RBL1: variants seen among roughly 807,000 people sequenced by gnomAD.
The protein encoded by RBL1 is RB transcriptional corepressor like 1, also known as retinoblastoma-like protein 1.
Under a neutral mutation model 123.0 loss-of-function variants are expected in RBL1, and 82 were observed. The ratio of observed to expected loss-of-function variants is 0.67; its 90% CI spans 0.56 to 0.80. The LOEUF (loss-of-function observed/expected upper bound fraction) is 0.80, where lower values mean the gene tolerates loss of function less well. RBL1 is among the 30% of genes least tolerant of loss of function. RBL1 has a pLI of 0.00. For missense variants in RBL1, 1,171 were observed against 1,299.6 expected, an observed-to-expected ratio of 0.90 and a Z score of 1.52; for synonymous variants, 405 against 441.3, an observed-to-expected ratio of 0.92 and a Z score of 1.03.
chr20:37,008,402 C>G (rs1244729961), intron 19 of RBL1, among the ~76,000 whole-genome samples: 1 of 152,158 alleles, frequency 6.6e-6, no homozygotes, highest in African/African-American at 2.4e-5. Context: ...ACAACAGGAA[C>G]CCTGATCAGG....
chr20:37,032,565 A>C, intron 16 of RBL1, 100 bp downstream of exon 16: 17 of 1,523,944 alleles, frequency 1.1e-5, no homozygotes, highest in Non-Finnish European at 1.5e-5. Context: ...ATTTTGTGTT[A>C]TGTATATTAG....
intron 20 of RBL1, among the ~76,000 whole-genome samples, chr20:37,005,406 CAA>C (rs200205174): frequency 1.5e-4 from 16 of 104,676 alleles, no homozygotes; most frequent in Admixed American, 4.1e-4. Flanking sequence ...GACTCCTTCT[CAA>C]AAAAAAAAAA....
At position 37,076,936 on chromosome 20, in the gene RBL1, A is replaced by ATT. The variant is rs547969796; in HGVS notation, c.291-8752_291-8751dup. 6.4e-4 allele frequency among the ~76,000 whole-genome samples: 87 copies of ATT among 135,194 alleles called. 1 individual carries two copies. In the East Asian group the frequency reaches 9.2e-3, roughly 14 times the overall value. The allele number at this position is 135,194 out of a possible 152,430, so 88.7% of individuals were successfully genotyped here. Reference sequence around the variant, plus strand: ...TAACATTTTGCATATTTGCTTTATCATTTTTTTTTTTTTTTTTTGAGGCAG... The same window carrying ATT: ...TAACATTTTGCATATTTGCTTTATCATTTTTTTTTTTTTTTTTTTTGAGGCAG... On this transcript the variant is annotated intron_variant, in intron 2 of 21. Coordinates refer to ENST00000373664, the MANE Select transcript of RBL1 (RefSeq NM_002895.5).
intron 2 of RBL1, among the ~76,000 whole-genome samples, chr20:37,085,792 T>C (rs1288490799): frequency 1.3e-5 from 2 of 151,744 alleles, no homozygotes; most frequent in Non-Finnish European, 2.9e-5. Flanking sequence ...TAGCTGGGAC[T>C]ACAGGCGCCC....
chr20:37,063,704 G>T (rs961173165), intron 7 of RBL1, among the ~76,000 whole-genome samples: 21 of 151,794 alleles, frequency 1.4e-4, no homozygotes, highest in Non-Finnish European at 8.8e-5. Flanking sequence ...TAGAGATGGG[G>T]TTTCACCATG....
chr20:37,044,914 A>G (rs1266712382), intron 12 of RBL1, among the ~76,000 whole-genome samples: 2 of 152,108 alleles, frequency 1.3e-5, no homozygotes, highest in African/African-American at 2.4e-5. Context: ...TTTTTCCACT[A>G]ACTCAAAATA....
At chr20:37,080,706 G>A (rs1295989232) in intron 2 of RBL1, among the ~76,000 whole-genome samples, 3 of 152,000 alleles carry the variant, frequency 2.0e-5, no homozygotes, top group African/African-American at 4.8e-5. Context: ...AGATCCACCC[G>A]CCTAGGCCTC....
At chr20:37,029,410 G>GT (rs892102894) in intron 16 of RBL1, among the ~76,000 whole-genome samples, 36 of 152,264 alleles carry the variant, frequency 2.4e-4, no homozygotes, top group African/African-American at 8.7e-4. Flanking sequence ...AAAAAAATCT[G>GT]TATATAAGTG....
chr20:37,064,752 GGT>G (rs2065151951), intron 7 of RBL1, among the ~76,000 whole-genome samples: 2 of 151,992 alleles, frequency 1.3e-5, no homozygotes, highest in African/African-American at 4.8e-5. Flanking sequence ...TGGGATTACA[GGT>G]GTGCACCACC....
Position 37,041,081 on chromosome 20 carries a change from A to G in RBL1, c.1771-796T>C, listed in dbSNP as rs778166314. Reference sequence around the variant, plus strand: ...CAAAGAAGTATGGAAGAGAGATTTCAAGAAACCATCTTCTTTCCAATTCCT... The same window carrying G: ...CAAAGAAGTATGGAAGAGAGATTTCGAGAAACCATCTTCTTTCCAATTCCT... On this transcript the variant is annotated intron_variant, in intron 13 of 21. Transcript: ENST00000373664. Among the ~76,000 whole-genome samples the G allele has an allele frequency of 1.2e-4, 18 of 152,312 alleles. No homozygotes were observed. The South Asian group carries it at 2.9e-3, about 25-fold the overall frequency.
intron 14 of RBL1, 38 bp from the exon 15 acceptor site, chr20:37,035,546 C>A (rs2064596241): frequency 2.8e-6 from 4 of 1,445,848 alleles, no homozygotes; most frequent in South Asian, 1.4e-5. Flanking sequence ...GAAATGTATT[C>A]CAAAATAATA....
chr20:37,016,146 G>A (rs1159869335), intron 19 of RBL1, among the ~76,000 whole-genome samples: 1 of 150,404 alleles, frequency 6.6e-6, no homozygotes, highest in Non-Finnish European at 1.5e-5. Context: ...TTGTGCCTCA[G>A]CCTCCTAAGT....
intron 16 of RBL1, among the ~76,000 whole-genome samples, chr20:37,029,964 C>T (rs1568837851): frequency 6.6e-6 from 1 of 152,180 alleles, no homozygotes; most frequent in African/African-American, 2.4e-5. Context: ...AAAAGACATC[C>T]TATGATCATG....
At chr20:37,046,299 G>C (rs2064818011) in intron 12 of RBL1, among the ~76,000 whole-genome samples, 2 of 152,160 alleles carry the variant, frequency 1.3e-5, no homozygotes, top group Non-Finnish European at 2.9e-5. Flanking sequence ...TGGAAAATTT[G>C]AAGTTAAGTA....
intron 9 of RBL1, among the ~76,000 whole-genome samples, chr20:37,059,960 G>A (rs1600552051): frequency 6.6e-6 from 1 of 151,830 alleles, no homozygotes; most frequent in East Asian, 1.9e-4. Flanking sequence ...ATCATCTGAG[G>A]TCGGGAGTTT....
intron 19 of RBL1, among the ~76,000 whole-genome samples, chr20:37,017,298 G>A (rs1464067699): frequency 6.6e-6 from 1 of 151,808 alleles, no homozygotes; most frequent in Non-Finnish European, 1.5e-5. Context: ...GATTGAGCCT[G>A]GGATGTCCAT....
rs769782330 is a variant in RBL1 at position 37,007,475 on chromosome 20, G to A, written c.2807C>T (p.Thr936Ile). The change falls in exon 20 of 22, where the codon ACA becomes ATA. Residue 936 changes from threonine (T) to isoleucine (I), a missense_variant. Thr to Ile is a moderately conservative substitution (Grantham distance 89). Transcript: ENST00000373664. ...TGACTTCACTCTTCCTACATATATT[G>A]TATTGTAAAATTTTATAAGATCACC... is the stretch of plus-strand genomic sequence containing the variant. Reference protein sequence around the residue: ...ERGDLIKFYNTIYVGRVKSFA... With the variant: ...ERGDLIKFYNIIYVGRVKSFA... 2 of 1,613,754 alleles carry A rather than the reference G, an allele frequency of 1.2e-6. No individual in the cohort carries two copies. Among genetic ancestry groups the A allele is most frequent in the South Asian group, 2.2e-5 (2 of 91,072 alleles).
intron 13 of RBL1, 47 bp downstream of exon 13, chr20:37,044,039 T>G (rs773652000): frequency 1.1e-5 from 15 of 1,393,728 alleles, no homozygotes; most frequent in Middle Eastern, 1.9e-4. Context: ...GCTGGTTTTT[T>G]TTTTTTTTTT....
intron 2 of RBL1, among the ~76,000 whole-genome samples, chr20:37,083,830 A>G (rs779206046): frequency 6.6e-6 from 1 of 151,924 alleles, no homozygotes; most frequent in Middle Eastern, 3.4e-3. Flanking sequence ...TTTGGGGGAA[A>G]GGGACTTTGA....
Sources: allele counts gnomAD v4.1 joint callset (sites outside exome capture counted in the v4.1 genomes callset), GRCh38; gene constraint gnomAD v4.1.1; transcripts MANE v1.5; gene names NCBI Gene and HGNC (gene_info 2026-07-23, HGNC 2026-07-21).